The following CABYR variants were observed in gnomAD, a reference collection of about 807,000 sequenced individuals.
The protein encoded by CABYR is calcium binding tyrosine phosphorylation regulated.
CABYR carries 31 observed loss-of-function variants against 36.1 expected under a neutral mutation model. That is an observed-to-expected ratio of 0.86 (90% CI 0.64 to 1.16). CABYR has a LOEUF of 1.16. Ranked by LOEUF, CABYR falls within the 50% of genes most tolerant of loss-of-function variation. The pLI, the probability that CABYR is intolerant of heterozygous loss-of-function variation, is 0.00. For missense variants in CABYR, 429 were observed against 455.8 expected, an observed-to-expected ratio of 0.94 and a Z score of 0.53; for synonymous variants, 146 against 160.7, an observed-to-expected ratio of 0.91 and a Z score of 0.69.
rs1297740822 is a variant in CABYR at position 24,159,498 on chromosome 18, C to G, written c.568C>G (p.Pro190Ala). The G allele has an allele frequency of 1.2e-6, 2 of 1,613,452 alleles. No individual in the cohort carries two copies. Among genetic ancestry groups the G allele is most frequent in the African/African-American group, 1.3e-5 (1 of 74,840 alleles). ...AATGGCAACAAGTGAACGAGGACAA[C>G]CACCACCATGTTCTAACATGTGGAC... ...LAMATSERGQ[P>A]PPCSNMWTLY... The change falls in exon 5 of 6, where the codon CCA becomes GCA. Residue 190 changes from proline to alanine, a missense_variant. By Grantham distance (27) the Pro-to-Ala change is conservative. Transcript: ENST00000399496.
At chr18:24,157,664 T>C (rs965268597) in intron 4 of CABYR, among the ~76,000 whole-genome samples, 1 of 152,188 alleles carries the variant, frequency 6.6e-6, no homozygotes, top group Non-Finnish European at 1.5e-5. Flanking sequence ...GTTCACGTAA[T>C]TGGCTTCCTT....
intron 3 of CABYR, among the ~76,000 whole-genome samples, chr18:24,147,666 A>T (rs1334387508): frequency 6.6e-6 from 1 of 152,160 alleles, no homozygotes; most frequent in Non-Finnish European, 1.5e-5. Flanking sequence ...GTACAGATAC[A>T]TTATCTAGTA....
Position 24,160,054 on chromosome 18 carries a change from C to CAGAA in CABYR, c.1126_1129dup (p.Thr377ArgfsTer3). The CAGAA allele has an allele frequency of 6.2e-7, 1 of 1,611,144 alleles. No homozygotes were observed. The highest frequency in any genetic ancestry group is 8.5e-7 in the Non-Finnish European group (1 of 1,178,522). On this transcript the variant is annotated frameshift_variant, in exon 5 of 6. Transcript: ENST00000399496. LOFTEE classifies it high-confidence loss of function. The stretch of plus-strand genomic sequence containing the variant: ...ACTACTGCTCACAAACGTCGCAAAG[C>CAGAA]AGAAACTGAAAACTGGTAGGTACAC...
rs759611458 is a variant in CABYR, at chr18:24,143,218, AGTT to A, written c.105_107del (p.Gln35_Phe36delinsHis). 1 of 1,613,894 alleles carries A rather than the reference AGTT, an allele frequency of 6.2e-7. No homozygotes were observed. The highest frequency in any genetic ancestry group is 8.5e-7 in the Non-Finnish European group (1 of 1,179,948). ...AAAACCAACCCATCAAACATCAACCAGTTTGCAGCAGCTTATTTTCAAGAACTT... is the reference window on the plus strand; with the variant it reads ...AAAACCAACCCATCAAACATCAACCATGCAGCAGCTTATTTTCAAGAACTT... On this transcript the variant is annotated inframe_deletion, in exon 2 of 6. Transcript: ENST00000399496.
intron 4 of CABYR, 48 bp downstream of exon 4, chr18:24,156,090 G>A (rs1449167860): frequency 1.2e-6 from 2 of 1,614,082 alleles, no homozygotes; most frequent in African/African-American, 2.7e-5. Context: ...GTTAATGGTG[G>A]ATGTGGCAAC....
rs5823414 is a variant in CABYR, at chr18:24,147,252, C to CAAAAAAAAAAA, written c.199+3849_199+3859dup. 4.1e-5 allele frequency among the ~76,000 whole-genome samples: 4 copies of CAAAAAAAAAAA among 96,456 alleles called. 1 individual carries two copies. Among genetic ancestry groups the CAAAAAAAAAAA allele is most frequent in the African/African-American group, 1.8e-4 (4 of 22,804 alleles). 63.3% of individuals were successfully genotyped at this position (96,456 alleles called of 152,430 possible). On this transcript the variant is annotated intron_variant, in intron 3 of 5. Coordinates refer to ENST00000399496, the MANE Select transcript of CABYR (RefSeq NM_153769.3). The stretch of plus-strand genomic sequence containing the variant: ...TAGGTGACAGTGCAAAACCATGTCT[C>CAAAAAAAAAAA]AAAAAAAAAAAAAAAAAAAAGCCTA...
At chr18:24,157,319 T>C (rs751464216) in intron 4 of CABYR, among the ~76,000 whole-genome samples, 8 of 152,232 alleles carry the variant, frequency 5.3e-5, no homozygotes, top group Non-Finnish European at 1.0e-4. Context: ...GATCTGAATA[T>C]GCTGATTGCA....
chr18:24,155,684 T>TG lies in CABYR; in HGVS notation c.200-15dup. 1 of 1,531,928 alleles carries TG rather than the reference T, an allele frequency of 6.5e-7. No homozygotes were observed. Among genetic ancestry groups the TG allele is most frequent in the Non-Finnish European group, 8.8e-7 (1 of 1,136,890 alleles). 94.9% of individuals were successfully genotyped at this position (1,531,928 alleles called of 1,614,324 possible). A position where few individuals can be genotyped will look rare whatever the true frequency, so the allele number is the denominator to read the frequency against. The stretch of plus-strand genomic sequence containing the variant: ...CTTTTTAGATGTTAATTAACCCATC[T>TG]GGTTGTTGTTTTTCAGTAGAGAAAT... On this transcript the variant is annotated splice_polypyrimidine_tract_variant and intron_variant, in intron 3 of 5. Transcript: ENST00000399496.
At chr18:24,156,997 C>A in intron 4 of CABYR, 2 of 1,592,452 alleles carry the variant, frequency 1.3e-6, no homozygotes, top group Non-Finnish European at 1.7e-6. Context: ...TTGATGAAGC[C>A]AGGTAAGAAA....
At chr18:24,141,717 T>G (rs922857936) in intron 1 of CABYR, among the ~76,000 whole-genome samples, 1 of 152,188 alleles carries the variant, frequency 6.6e-6, no homozygotes, top group Non-Finnish European at 1.5e-5. Context: ...GGTGATTTTT[T>G]AGGAGTCAGA....
intron 3 of CABYR, among the ~76,000 whole-genome samples, chr18:24,145,525 T>C (rs1452206858): frequency 6.6e-6 from 1 of 152,126 alleles, no homozygotes; most frequent in African/African-American, 2.4e-5. Flanking sequence ...GTGGCTGGGA[T>C]GTGAGTGACA....
At chr18:24,152,258 A>G (rs1363024365) in intron 3 of CABYR, among the ~76,000 whole-genome samples, 1 of 152,072 alleles carries the variant, frequency 6.6e-6, no homozygotes, top group Non-Finnish European at 1.5e-5. Context: ...CCCCATTTAT[A>G]TGTGATTTAG....
At chr18:24,158,047 G>A (rs1254687871) in intron 4 of CABYR, among the ~76,000 whole-genome samples, 1 of 152,198 alleles carries the variant, frequency 6.6e-6, no homozygotes, top group African/African-American at 2.4e-5. Context: ...GGAGTGGAGC[G>A]TGTGGGACTG....
chr18:24,157,013 G>A (rs755023127), intron 4 of CABYR: 2 of 1,576,646 alleles, frequency 1.3e-6, no homozygotes, highest in Non-Finnish European at 1.7e-6. Context: ...AGAAAATCAG[G>A]TATTTCCATT....
chr18:24,146,189 T>G (rs902041941), intron 3 of CABYR, among the ~76,000 whole-genome samples: 3 of 152,158 alleles, frequency 2.0e-5, no homozygotes, highest in Non-Finnish European at 4.4e-5. Context: ...TGATTGATAT[T>G]TTGAAAAGAT....
Position 24,143,083 on chromosome 18 carries a change from C to A in CABYR, c.-24-8C>A. The A allele has an allele frequency of 1.3e-6, 2 of 1,482,448 alleles. No homozygotes were observed. Among genetic ancestry groups the A allele is most frequent in the Non-Finnish European group, 1.8e-6 (2 of 1,101,644 alleles). 91.8% of individuals were successfully genotyped at this position (1,482,448 alleles called of 1,614,324 possible). Reference sequence around the variant, plus strand: ...CTAATTACTTCTAAGACTTTTTCTTCATTCTAGTTGAGTTACAGACATCCT... The same window carrying A: ...CTAATTACTTCTAAGACTTTTTCTTAATTCTAGTTGAGTTACAGACATCCT... On this transcript the variant is annotated splice_region_variant and splice_polypyrimidine_tract_variant and intron_variant, in intron 1 of 5. Transcript: ENST00000399496.
At chr18:24,149,377 GT>G (rs2085548256) in intron 3 of CABYR, among the ~76,000 whole-genome samples, 1 of 152,050 alleles carries the variant, frequency 6.6e-6, no homozygotes, top group Admixed American at 6.5e-5. Context: ...GCTGATTGGT[GT>G]TTACAAACCT....
chr18:24,159,361 A>G, intron 4 of CABYR, 111 bp from the exon 5 acceptor site: 1 of 740,108 alleles, frequency 1.4e-6, no homozygotes, highest in Non-Finnish European at 2.3e-6. Flanking sequence ...GCTCTACGGT[A>G]CATATCACTA....
rs749025450 is a variant in CABYR, at chr18:24,159,648, C to A, written c.718C>A (p.Pro240Thr). The A allele has an allele frequency of 6.2e-7, 1 of 1,614,062 alleles. No homozygotes were observed. The highest frequency in any genetic ancestry group is 1.7e-5 in the Admixed American group (1 of 60,002). The stretch of plus-strand genomic sequence containing the variant: ...GGATCCACAGTTTCAGCAGCATCCA[C>A]CAAAAGTCACTTTTCCAACTTATGT... The part of the protein sequence containing the change: ...PKDPQFQQHP[P>T]KVTFPTYVMG... The change falls in exon 5 of 6, where the codon CCA becomes ACA. Residue 240 changes from proline to threonine, a missense_variant. Transcript: ENST00000399496.
Sources: gnomAD v4.1 joint callset for allele counts (sites outside exome capture counted in the v4.1 genomes callset) on GRCh38, gnomAD v4.1.1 for gene constraint, MANE v1.5 for transcripts, NCBI Gene and HGNC (gene_info 2026-07-23, HGNC 2026-07-21) for gene names.